The following LCLAT1 variants were observed in gnomAD, a reference collection of about 807,000 sequenced individuals.
LCLAT1 encodes 1-AGP acyltransferase 8.
Under a neutral mutation model 30.7 loss-of-function variants are expected in LCLAT1, and 11 were observed. The observed-to-expected ratio is 0.36, with a 90% CI of 0.23 to 0.59. The LOEUF is 0.59. LCLAT1 is among the 20% of genes least tolerant of loss of function. The pLI is 0.77. For synonymous variants in LCLAT1, 155 were observed against 151.3 expected (o/e 1.02, Z -0.18); for missense variants, 402 against 458.6 (o/e 0.88, Z 1.13).
chr2:30,616,396 G>A (rs572781262), intron 5 of LCLAT1, among the ~76,000 whole-genome samples: 7 of 152,180 alleles, frequency 4.6e-5, no homozygotes, highest in Non-Finnish European at 1.0e-4. Context: ...GGGTGCAAGA[G>A]TGTGTGTATG....
chr2:30,599,631 T>G (rs1448127410), intron 5 of LCLAT1, among the ~76,000 whole-genome samples: 1 of 152,192 alleles, frequency 6.6e-6, no homozygotes, highest in African/African-American at 2.4e-5. Flanking sequence ...AACTAGGTGC[T>G]CCTGTATTGA....
intron 5 of LCLAT1, among the ~76,000 whole-genome samples, chr2:30,608,192 G>T (rs972367801): frequency 6.6e-6 from 1 of 151,566 alleles, no homozygotes; most frequent in African/African-American, 2.4e-5. Flanking sequence ...GTGGTGGCAG[G>T]TGCCTCTATT....
chr2:30,615,050 A>G (rs1667930321), intron 5 of LCLAT1, among the ~76,000 whole-genome samples: 1 of 152,192 alleles, frequency 6.6e-6, no homozygotes, highest in African/African-American at 2.4e-5. Flanking sequence ...GATTGAAGAC[A>G]GTGAGTATAG....
At chr2:30,464,774 A>G (rs1223657251) in intron 1 of LCLAT1, among the ~76,000 whole-genome samples, 1 of 152,248 alleles carries the variant, frequency 6.6e-6, no homozygotes, top group East Asian at 1.9e-4. Context: ...CAGAAGGCCT[A>G]TGACCTTGTC....
At chr2:30,630,508 G>C (rs1051339852) in intron 5 of LCLAT1, among the ~76,000 whole-genome samples, 5 of 152,134 alleles carry the variant, frequency 3.3e-5, no homozygotes, top group Admixed American at 2.6e-4. Flanking sequence ...TTTATCTATA[G>C]TAACTTCTAT....
At chr2:30,591,186 A>G (rs540942603) in intron 5 of LCLAT1, among the ~76,000 whole-genome samples, 11 of 152,286 alleles carry the variant, frequency 7.2e-5, no homozygotes, top group South Asian at 2.1e-4. Flanking sequence ...TAAGTGTTAT[A>G]GCTATTGAGG....
chr2:30,490,077 AC>A (rs2148325611), intron 1 of LCLAT1, among the ~76,000 whole-genome samples: 1 of 151,788 alleles, frequency 6.6e-6, no homozygotes, highest in Non-Finnish European at 1.5e-5. Flanking sequence ...TGCTATTATC[AC>A]CCCTATTTTT....
intron 5 of LCLAT1, among the ~76,000 whole-genome samples, chr2:30,633,771 G>C (rs1049959778): frequency 2.0e-5 from 3 of 152,282 alleles, no homozygotes; most frequent in Non-Finnish European, 4.4e-5. Context: ...AATTTTAGTT[G>C]TTATGAGATC....
intron 5 of LCLAT1, among the ~76,000 whole-genome samples, chr2:30,631,823 A>AT (rs534483818): frequency 2.6e-5 from 4 of 152,118 alleles, no homozygotes; most frequent in Non-Finnish European, 5.9e-5. Context: ...GGGGCTATTC[A>AT]TTTTTTTATA....
At chr2:30,574,612 C>T (rs1230869824) in intron 5 of LCLAT1, among the ~76,000 whole-genome samples, 1 of 152,166 alleles carries the variant, frequency 6.6e-6, no homozygotes, top group Admixed American at 6.5e-5. Flanking sequence ...CACTCAGACT[C>T]TATATGGATT....
chr2:30,548,642 T>A (rs1317693621), intron 3 of LCLAT1, among the ~76,000 whole-genome samples: 1 of 152,158 alleles, frequency 6.6e-6, no homozygotes, highest in Non-Finnish European at 1.5e-5. Context: ...AAAGGGTGTC[T>A]GGCTCTTAGC....
chr2:30,448,719 G>T (rs1423305542), intron 1 of LCLAT1, among the ~76,000 whole-genome samples: 2 of 152,192 alleles, frequency 1.3e-5, no homozygotes, highest in Admixed American at 6.5e-5. Flanking sequence ...AAACCCAAAA[G>T]ATTCTTCCAA....
chr2:30,605,949 C>T, intron 5 of LCLAT1: 1 of 1,174,638 alleles, frequency 8.5e-7, no homozygotes, highest in Non-Finnish European at 1.1e-6. Context: ...CTCACTTGCA[C>T]AGTTCACAGG....
chr2:30,459,473 C>G (rs576081599), intron 1 of LCLAT1: 1 of 698,928 alleles, frequency 1.4e-6, no homozygotes, highest in Non-Finnish European at 2.6e-6. Context: ...CTGTTTACTC[C>G]ATGAACCATC....
chr2:30,481,892 G>A (rs1683341488), intron 1 of LCLAT1, among the ~76,000 whole-genome samples: 1 of 152,164 alleles, frequency 6.6e-6, no homozygotes, highest in African/African-American at 2.4e-5. Flanking sequence ...ATGGCTGTAG[G>A]AACTTAGTAT....
At position 30,537,521 on chromosome 2, in the gene LCLAT1, TAC is replaced by T. The variant is rs58394759; in HGVS notation, c.364+4230_364+4231del. 7.7e-3 allele frequency among the ~76,000 whole-genome samples: 1,153 copies of T among 149,086 alleles called. 4 individuals are homozygous for T. The highest frequency in any genetic ancestry group is 0.013 in the African/African-American group (535 of 40,662). On this transcript the variant is annotated intron_variant, in intron 3 of 5. Coordinates refer to ENST00000379509, the MANE Select transcript of LCLAT1 (RefSeq NM_001002257.3). ...AGCGAGAGGATATAACAATTGTAAA[TAC>T]ACACACACACACACACACACACGCA... is the stretch of plus-strand genomic sequence containing the variant.
rs374779033 is a variant in LCLAT1, at chr2:30,563,033, C to T, written c.511+741C>T. On this transcript the variant is annotated intron_variant, in intron 4 of 5. Transcript: ENST00000379509. ...ACAGGAAGACATGTTTATAACTTTTCGGCCTTCCTAAATATTAAACTTTTT... is the reference window on the plus strand; with the variant it reads ...ACAGGAAGACATGTTTATAACTTTTTGGCCTTCCTAAATATTAAACTTTTT... 4.9e-4 allele frequency among the ~76,000 whole-genome samples: 74 copies of T among 152,076 alleles called. No homozygotes were observed. In the South Asian group the frequency reaches 6.9e-3, roughly 14 times the overall value.
At chr2:30,476,995 G>T (rs535621067) in intron 1 of LCLAT1, among the ~76,000 whole-genome samples, 1 of 152,058 alleles carries the variant, frequency 6.6e-6, no homozygotes. Context: ...TTAATTTTTG[G>T]CCCATAAGGT....
intron 3 of LCLAT1, among the ~76,000 whole-genome samples, chr2:30,559,910 G>A (rs1241870969): frequency 2.0e-5 from 3 of 152,138 alleles, no homozygotes; most frequent in Non-Finnish European, 2.9e-5. Flanking sequence ...GCTACCCATT[G>A]AACACTCTGT....
Sources: gnomAD v4.1 joint callset for allele counts (sites outside exome capture counted in the v4.1 genomes callset) on GRCh38, gnomAD v4.1.1 for gene constraint, MANE v1.5 for transcripts, NCBI Gene and HGNC (gene_info 2026-07-23, HGNC 2026-07-21) for gene names.